MSRA: variants seen among roughly 807,000 people sequenced by gnomAD.
MSRA encodes the protein methionine sulfoxide reductase A, also known as mitochondrial peptide methionine sulfoxide reductase.
A neutral mutation model predicts 31.3 loss-of-function variants in MSRA; 54 were observed. That is an observed-to-expected ratio of 1.73 (90% CI 1.39 to 2.17). MSRA has a LOEUF of 2.17. Among genes scored for constraint, MSRA ranks in the 30% most tolerant of loss-of-function variants. The pLI is 0.00. For missense variants in MSRA, 507 were observed against 300.9 expected, an observed-to-expected ratio of 1.69 and a Z score of -5.07; for synonymous variants, 169 against 116.5, an observed-to-expected ratio of 1.45 and a Z score of -2.90.
chr8:10,131,452 A>T (rs911170953), intron 1 of MSRA, among the ~76,000 whole-genome samples: 1 of 152,230 alleles, frequency 6.6e-6, no homozygotes, highest in East Asian at 1.9e-4. Context: ...AGGGGAGGGC[A>T]GTCCATGCCG....
chr8:10,342,509 C>T (rs945545528), intron 5 of MSRA, among the ~76,000 whole-genome samples: 3 of 152,138 alleles, frequency 2.0e-5, no homozygotes, highest in Non-Finnish European at 4.4e-5. Context: ...CTGGAGTTCC[C>T]CGGGGGCCTC....
intron 1 of MSRA, among the ~76,000 whole-genome samples, chr8:10,145,697 A>C (rs1287124732): frequency 6.6e-6 from 1 of 152,218 alleles, no homozygotes; most frequent in African/African-American, 2.4e-5. Flanking sequence ...TGTGTAAGAC[A>C]TGGTGCCTCC....
chr8:10,246,479 C>A, intron 3 of MSRA, among the ~76,000 whole-genome samples: 1 of 152,252 alleles, frequency 6.6e-6, no homozygotes, highest in East Asian at 1.9e-4. Flanking sequence ...GAGTTATAGT[C>A]CACTATTATT....
intron 2 of MSRA, among the ~76,000 whole-genome samples, chr8:10,225,346 A>G (rs551273174): frequency 3.3e-5 from 5 of 152,066 alleles, no homozygotes; most frequent in African/African-American, 9.7e-5. Context: ...ATCGCCTTGC[A>G]TTATGATTAG....
intron 3 of MSRA, among the ~76,000 whole-genome samples, chr8:10,272,616 C>T (rs967871219): frequency 6.6e-6 from 1 of 152,214 alleles, no homozygotes; most frequent in Non-Finnish European, 1.5e-5. Context: ...AATATTTAGC[C>T]AAATGTCTTG....
intron 1 of MSRA, among the ~76,000 whole-genome samples, chr8:10,164,472 G>T (rs1169319917): frequency 1.3e-5 from 2 of 152,170 alleles, no homozygotes; most frequent in Non-Finnish European, 2.9e-5. Flanking sequence ...GTTTTAGGCT[G>T]TGCTGGTTTT....
At chr8:10,244,806 A>G (rs555097513) in intron 2 of MSRA, among the ~76,000 whole-genome samples, 1 of 152,240 alleles carries the variant, frequency 6.6e-6, no homozygotes, top group East Asian at 1.9e-4. Flanking sequence ...GAAAATAGTT[A>G]CCCCCTTACT....
Position 10,327,612 on chromosome 8 carries a change from G to A in MSRA, c.543+7623G>A, listed in dbSNP as rs559099467. ...TGTGTGTGTTTTGTTGCGGGGAGGC[G>A]GGGAGGAAGAAGACAGTGTCACTAC... On this transcript the variant is annotated intron_variant, in intron 5 of 5. Transcript: ENST00000317173. Among the ~76,000 whole-genome samples the A allele has an allele frequency of 7.2e-5, 11 of 152,188 alleles. No homozygotes were observed. The East Asian group carries it at 9.7e-4, about 13-fold the overall frequency.
intron 3 of MSRA, among the ~76,000 whole-genome samples, chr8:10,284,275 A>T (rs1185272609): frequency 6.6e-6 from 1 of 151,694 alleles, no homozygotes; most frequent in African/African-American, 2.4e-5. Flanking sequence ...TGCAACCTCC[A>T]CCTCCCAGGT....
intron 2 of MSRA, among the ~76,000 whole-genome samples, chr8:10,229,319 G>C (rs943912482): frequency 6.6e-6 from 1 of 152,238 alleles, no homozygotes; most frequent in Admixed American, 6.5e-5. Flanking sequence ...CCATTAGAGA[G>C]GGATCATCTG....
At chr8:10,087,062 G>T (rs1047754444) in intron 1 of MSRA, among the ~76,000 whole-genome samples, 4 of 152,144 alleles carry the variant, frequency 2.6e-5, no homozygotes, top group African/African-American at 9.7e-5. Flanking sequence ...GATTTTGGGA[G>T]ATGTTTCAAT....
At chr8:10,136,290 C>G (rs1802271900) in intron 1 of MSRA, among the ~76,000 whole-genome samples, 1 of 152,186 alleles carries the variant, frequency 6.6e-6, no homozygotes, top group African/African-American at 2.4e-5. Context: ...TCTCAACTAG[C>G]TTCTGCTATC....
intron 3 of MSRA, among the ~76,000 whole-genome samples, chr8:10,266,607 G>T (rs544057942): frequency 1.4e-5 from 2 of 146,348 alleles, no homozygotes; most frequent in East Asian, 2.0e-4. Context: ...CAGTCTATCG[G>T]TTTTTTTTTT....
At chr8:10,320,977 G>A (rs926747795) in intron 5 of MSRA, among the ~76,000 whole-genome samples, 21 of 152,286 alleles carry the variant, frequency 1.4e-4, no homozygotes, top group African/African-American at 4.1e-4. Flanking sequence ...GTCACATTCC[G>A]AGGTTTTAGG....
At chr8:10,363,539 C>G (rs1804975796) in intron 5 of MSRA, among the ~76,000 whole-genome samples, 1 of 152,130 alleles carries the variant, frequency 6.6e-6, no homozygotes. Flanking sequence ...GATGTATATT[C>G]TCACCTTAGT....
chr8:10,110,398 T>C (rs1420078685), intron 1 of MSRA, among the ~76,000 whole-genome samples: 2 of 152,190 alleles, frequency 1.3e-5, no homozygotes, highest in African/African-American at 4.8e-5. Flanking sequence ...CTAAGATGCA[T>C]ATCATGGTTG....
chr8:10,094,600 C>T (rs551040289), intron 1 of MSRA, among the ~76,000 whole-genome samples: 2 of 152,192 alleles, frequency 1.3e-5, no homozygotes, highest in Admixed American at 1.3e-4. Flanking sequence ...GTGGCAGAAT[C>T]AAGGACTAGA....
At chr8:10,252,308 A>C (rs1052539726) in intron 3 of MSRA, among the ~76,000 whole-genome samples, 1 of 152,134 alleles carries the variant, frequency 6.6e-6, no homozygotes, top group Non-Finnish European at 1.5e-5. Flanking sequence ...AGTGAGGTGG[A>C]CAGTCAAGGA....
intron 4 of MSRA, among the ~76,000 whole-genome samples, chr8:10,303,179 C>T (rs570587839): frequency 2.6e-5 from 4 of 152,310 alleles, no homozygotes; most frequent in African/African-American, 4.8e-5. Context: ...GGTGACAGGT[C>T]GGGTCTGTGT....
Sources: allele counts gnomAD v4.1 joint callset (sites outside exome capture counted in the v4.1 genomes callset), GRCh38; gene constraint gnomAD v4.1.1; transcripts MANE v1.5; gene names NCBI Gene and HGNC (gene_info 2026-07-23, HGNC 2026-07-21).